The following P4HA1 variants were observed in gnomAD, a reference collection of about 807,000 sequenced individuals.
P4HA1 encodes prolyl 4-hydroxylase subunit alpha 1.
Under a neutral mutation model 72.8 loss-of-function variants are expected in P4HA1, and 24 were observed. The ratio of observed to expected loss-of-function variants is 0.33; its 90% CI spans 0.24 to 0.46. P4HA1 has a LOEUF of 0.46. P4HA1 is among the 20% of genes least tolerant of loss of function. The pLI is 1.00. For missense variants in P4HA1, 446 were observed against 640.6 expected (o/e 0.70, Z 3.28); for synonymous variants, 201 against 218.8 (o/e 0.92, Z 0.72).
chr10:73,035,011 T>C (rs1456309252), intron 9 of P4HA1, among the ~76,000 whole-genome samples: 1 of 152,182 alleles, frequency 6.6e-6, no homozygotes, highest in Non-Finnish European at 1.5e-5. Flanking sequence ...TGATGGACAT[T>C]TGGGTTGCTT....
At chr10:73,042,057 C>T (rs753987906) in intron 9 of P4HA1, among the ~76,000 whole-genome samples, 16 of 151,980 alleles carry the variant, frequency 1.1e-4, no homozygotes, top group Non-Finnish European at 1.9e-4. Context: ...ACATGTTGCT[C>T]AGGCTGCGGT....
intron 7 of P4HA1, among the ~76,000 whole-genome samples, chr10:73,048,232 G>A (rs1840921916): frequency 6.6e-6 from 1 of 152,114 alleles, no homozygotes; most frequent in Non-Finnish European, 1.5e-5. Context: ...ATAATGATGA[G>A]ATGAATGTAG....
chr10:73,023,516 C>T (rs1274900051), intron 10 of P4HA1, among the ~76,000 whole-genome samples: 1 of 152,146 alleles, frequency 6.6e-6, no homozygotes, highest in Admixed American at 6.6e-5. Flanking sequence ...TGGAAAGGAA[C>T]AACTGGTACC....
intron 10 of P4HA1, among the ~76,000 whole-genome samples, chr10:73,029,769 C>T (rs775535078): frequency 1.1e-4 from 17 of 151,086 alleles, no homozygotes; most frequent in Admixed American, 5.3e-4. Context: ...GTGATTATGA[C>T]GGAGTGAAGA....
At chr10:73,064,265 A>C (rs1443133076) in intron 5 of P4HA1, among the ~76,000 whole-genome samples, 2 of 152,116 alleles carry the variant, frequency 1.3e-5, no homozygotes, top group African/African-American at 2.4e-5. Context: ...GCTTGAGCTC[A>C]GGAGTTCGAA....
chr10:73,092,688 A>AT (rs1476947059), intron 1 of P4HA1, among the ~76,000 whole-genome samples: 1 of 151,584 alleles, frequency 6.6e-6, no homozygotes, highest in Admixed American at 6.6e-5. Context: ...CTAAAAAAAA[A>AT]AAAATTTAAA....
At chr10:73,045,174 C>A (rs11000499) in intron 8 of P4HA1, 123 bp from the exon 9 acceptor site, 64,028 of 683,408 alleles carry the variant, frequency 0.094, 4,641 homozygotes, top group East Asian at 0.27. Flanking sequence ...ACTCCATACA[C>A]TTCCAGTCAC....
At chr10:73,087,835 G>A (rs527616541) in intron 1 of P4HA1, among the ~76,000 whole-genome samples, 9 of 152,046 alleles carry the variant, frequency 5.9e-5, no homozygotes, top group Admixed American at 4.6e-4. Flanking sequence ...TATGTGATGG[G>A]GAATATTTTC....
chr10:73,093,219 A>G (rs747233410), intron 1 of P4HA1, among the ~76,000 whole-genome samples: 1 of 152,154 alleles, frequency 6.6e-6, no homozygotes, highest in Non-Finnish European at 1.5e-5. Context: ...CATTTTTATG[A>G]AACACTAAAC....
chr10:73,057,466 G>A (rs1841178753), intron 5 of P4HA1, among the ~76,000 whole-genome samples: 2 of 151,966 alleles, frequency 1.3e-5, no homozygotes, highest in African/African-American at 2.4e-5. Flanking sequence ...CTCCAGCCTG[G>A]GCGACGGAGC....
Position 73,011,048 on chromosome 10 carries a change from C to CAAG in P4HA1, c.1369-14_1369-12dup, listed in dbSNP as rs1003353848. On this transcript the variant is annotated splice_polypyrimidine_tract_variant and intron_variant, in intron 12 of 14. Transcript: ENST00000394890. Reference sequence around the variant, plus strand: ...AGACACATCACTCATCTATAAGAAACAAGAGGGTGTTATCAAAAGTGCTGG... The same window carrying CAAG: ...AGACACATCACTCATCTATAAGAAACAAGAAGAGGGTGTTATCAAAAGTGCTGG... The CAAG allele has an allele frequency of 8.7e-6, 14 of 1,607,056 alleles. No homozygotes were observed. Among genetic ancestry groups the CAAG allele is most frequent in the Non-Finnish European group, 1.1e-5 (13 of 1,174,848 alleles).
At chr10:73,074,084 T>G (rs940876436) in intron 2 of P4HA1, 1 of 361,024 alleles carries the variant, frequency 2.8e-6, no homozygotes, top group African/African-American at 2.1e-5. Flanking sequence ...TGTCTTTATA[T>G]CTACAAATGT....
intron 10 of P4HA1, among the ~76,000 whole-genome samples, chr10:73,021,918 G>T (rs531549306): frequency 6.6e-6 from 1 of 152,342 alleles, no homozygotes; most frequent in South Asian, 2.1e-4. Context: ...GGACCTGAGA[G>T]GTTGCAGCCT....
intron 12 of P4HA1, among the ~76,000 whole-genome samples, chr10:73,012,369 T>C (rs977130818): frequency 1.3e-5 from 2 of 152,160 alleles, no homozygotes; most frequent in Non-Finnish European, 2.9e-5. Flanking sequence ...CCACTTAAAA[T>C]TGGGATATAA....
At chr10:73,043,332 G>A (rs1840780624) in intron 9 of P4HA1, among the ~76,000 whole-genome samples, 1 of 152,196 alleles carries the variant, frequency 6.6e-6, no homozygotes, top group African/African-American at 2.4e-5. Flanking sequence ...ACCTTCACAA[G>A]TAGATGGAAA....
In P4HA1 at chr10:73,037,525, CTATATATATA is replaced by C. The variant is rs869107512; in HGVS notation, c.1149-7165_1149-7156del. Among the ~76,000 whole-genome samples the C allele has an allele frequency of 5.5e-3, 190 of 34,284 alleles. 4 individuals are homozygous for C. Among genetic ancestry groups the C allele is most frequent in the East Asian group, 0.025 (26 of 1,058 alleles). The allele number at this position is 34,284 out of a possible 152,430, so 22.5% of individuals were successfully genotyped here. A position where few individuals can be genotyped will look rare whatever the true frequency, so the allele number is the denominator to read the frequency against. On this transcript the variant is annotated intron_variant, in intron 9 of 14. Transcript: ENST00000394890. ...TCTATGATTAGCTAATCGAAAACCACTATATATATATATATATATATATATATATATATAT... is the reference window on the plus strand; with the variant it reads ...TCTATGATTAGCTAATCGAAAACCACTATATATATATATATATATATATAT...
intron 13 of P4HA1, 46 bp from the exon 14 acceptor site, chr10:73,009,949 T>A: frequency 2.8e-6 from 3 of 1,064,508 alleles, no homozygotes; most frequent in Non-Finnish European, 4.3e-6. Flanking sequence ...CAATGCCAGG[T>A]AATTGCTTTC....
At chr10:73,009,971 C>CT (rs377598550) in intron 13 of P4HA1, 68 bp from the exon 14 acceptor site, 50,912 of 644,798 alleles carry the variant, frequency 0.079, 489 homozygotes, top group African/African-American at 0.16. Context: ...GTAGTTATTA[C>CT]TTTTTTTTTT....
chr10:73,044,595 G>C (rs1330430923), intron 9 of P4HA1, among the ~76,000 whole-genome samples: 1 of 152,190 alleles, frequency 6.6e-6, no homozygotes, highest in Non-Finnish European at 1.5e-5. Flanking sequence ...CAGCATTTAT[G>C]AATATGAGAA....
Sources: gnomAD v4.1 joint callset for allele counts (sites outside exome capture counted in the v4.1 genomes callset) on GRCh38, gnomAD v4.1.1 for gene constraint, MANE v1.5 for transcripts, NCBI Gene and HGNC (gene_info 2026-07-23, HGNC 2026-07-21) for gene names.